Variants in SYNGR1 observed in about 807,000 individuals in gnomAD.
The protein encoded by SYNGR1 is synaptogyrin 1, also known as synaptogyrin-1.
A neutral mutation model predicts 26.1 loss-of-function variants in SYNGR1; 14 were observed. The ratio of observed to expected loss-of-function variants is 0.54; its 90% CI spans 0.35 to 0.84. The LOEUF (loss-of-function observed/expected upper bound fraction) is 0.84, where lower values mean the gene tolerates loss of function less well. Among genes scored for constraint, SYNGR1 ranks in the 40% least tolerant of loss-of-function variants. The pLI is 0.01. For missense variants in SYNGR1, 319 were observed against 332.9 expected (o/e 0.96, Z 0.33); for synonymous variants, 141 against 150.1 (o/e 0.94, Z 0.44).
rs138811897 is a variant in SYNGR1 at position 39,366,378 on chromosome 22, G to T, written c.100-7938G>T. 3.1e-3 allele frequency among the ~76,000 whole-genome samples: 473 copies of T among 151,962 alleles called. 6 individuals are homozygous for T. Among genetic ancestry groups the T allele is most frequent in the African/African-American group, 0.011 (455 of 41,480 alleles). On this transcript the variant is annotated intron_variant, in intron 1 of 3. Transcript: ENST00000328933. ...AAATATATTCAGGCCGGGCATAGTG[G>T]CTCACGCTTGTAATCCCAGCACTTT... is the stretch of plus-strand genomic sequence containing the variant.
chr22:39,350,399 C>T lies in SYNGR1; in HGVS notation c.99+290C>T, dbSNP rs1157511734. Among the ~76,000 whole-genome samples, 2 of 152,206 alleles carry T rather than the reference C, an allele frequency of 1.3e-5. No individual in the cohort carries two copies. The highest frequency in any genetic ancestry group is 6.5e-5 in the Admixed American group (1 of 15,290). ...CCCCTTCCCGCCCCGATTGCTGTGACCTCCAGGCCGCGGCTATGCCGCGAA... is the reference window on the plus strand; with the variant it reads ...CCCCTTCCCGCCCCGATTGCTGTGATCTCCAGGCCGCGGCTATGCCGCGAA... On this transcript the variant is annotated intron_variant, in intron 1 of 3. Transcript: ENST00000328933. This position sits in a 1 kb window ranked among gnomAD's most constrained non-coding sequence, Gnocchi z 4.3.
Position 39,378,704 on chromosome 22 carries a change from C to T in SYNGR1, c.483+2507C>T, listed in dbSNP as rs946467292. On this transcript the variant is annotated intron_variant, in intron 3 of 3. Transcript: ENST00000328933. ...GTGCAGATGCAGACTGCCTGCTGCA[C>T]GCTGGAGATGCTGCAGAGAGAGCAC... Among the ~76,000 whole-genome samples the T allele has an allele frequency of 7.9e-5, 12 of 152,230 alleles. 1 individual carries two copies. Among genetic ancestry groups the T allele is most frequent in the Admixed American group, 3.9e-4 (6 of 15,290 alleles).
At chr22:39,377,220 C>T (rs1925323184) in intron 3 of SYNGR1, 1 of 1,435,404 alleles carries the variant, frequency 7.0e-7, no homozygotes. Flanking sequence ...TTTGAGGGCC[C>T]CTGGATATCC....
chr22:39,368,892 A>G (rs1924893218), intron 1 of SYNGR1, among the ~76,000 whole-genome samples: 1 of 152,196 alleles, frequency 6.6e-6, no homozygotes, highest in Non-Finnish European at 1.5e-5. Flanking sequence ...GAGAGAGGAA[A>G]TGAACGTTAT....
At chr22:39,353,284 C>T (rs531716279) in intron 1 of SYNGR1, among the ~76,000 whole-genome samples, 1 of 152,332 alleles carries the variant, frequency 6.6e-6, no homozygotes, top group Admixed American at 6.5e-5. Flanking sequence ...CCCTGGAACC[C>T]AAGCCCTCTG....
In SYNGR1 at chr22:39,385,172, C is replaced by G. The variant is rs1000381981; in HGVS notation, c.*3258C>G. The G allele has an allele frequency of 7.6e-6, 3 of 395,760 alleles. No individual in the cohort carries two copies. The highest frequency in any genetic ancestry group is 8.8e-5 in the Admixed American group (2 of 22,616). 24.5% of individuals were successfully genotyped at this position (395,760 alleles called of 1,614,324 possible). ...TCTAAGGAGCACGAAAGGGGGAATG[C>G]CCCTCCCAGGAGTTTATGGGAGAAG... On this transcript the variant is annotated 3_prime_UTR_variant, in exon 4 of 4. Transcript: ENST00000328933.
At chr22:39,365,071 T>G (rs1411062281) in intron 1 of SYNGR1, among the ~76,000 whole-genome samples, 1 of 152,196 alleles carries the variant, frequency 6.6e-6, no homozygotes, top group Non-Finnish European at 1.5e-5. Context: ...GGGTCCTCCC[T>G]TGGCCATCAC....
At chr22:39,364,457 C>T (rs1414566849) in intron 1 of SYNGR1, among the ~76,000 whole-genome samples, 1 of 152,166 alleles carries the variant, frequency 6.6e-6, no homozygotes, top group Non-Finnish European at 1.5e-5. Flanking sequence ...CTTCCATTGG[C>T]ACCAGCTCCT....
chr22:39,352,899 T>C (rs1283923149), intron 1 of SYNGR1, among the ~76,000 whole-genome samples: 1 of 152,174 alleles, frequency 6.6e-6, no homozygotes, highest in Non-Finnish European at 1.5e-5. Context: ...TCTTGCTCTG[T>C]TGCCCAGGCT....
intron 1 of SYNGR1, among the ~76,000 whole-genome samples, chr22:39,372,289 A>G (rs1925061846): frequency 6.6e-6 from 1 of 150,966 alleles, no homozygotes; most frequent in Non-Finnish European, 1.5e-5. Flanking sequence ...GTGCCACCAC[A>G]CCCAGCTAAT....
intron 1 of SYNGR1, among the ~76,000 whole-genome samples, chr22:39,366,783 T>G (rs1176437545): frequency 6.6e-6 from 1 of 152,146 alleles, no homozygotes; most frequent in African/African-American, 2.4e-5. Context: ...CACCACAGTC[T>G]TTTCTCTCCA....
At chr22:39,378,944 C>G (rs1925406005) in intron 3 of SYNGR1, among the ~76,000 whole-genome samples, 1 of 152,350 alleles carries the variant, frequency 6.6e-6, no homozygotes, top group South Asian at 2.1e-4. Flanking sequence ...CCAGAGGCAT[C>G]TCCCTAGAAG....
chr22:39,364,159 A>G (rs756779291), intron 1 of SYNGR1: 28 of 1,611,814 alleles, frequency 1.7e-5, no homozygotes, highest in East Asian at 2.2e-5. Flanking sequence ...ACTGCGGGAC[A>G]CGGCTCAGGA....
At chr22:39,373,552 G>C (rs576920920) in intron 1 of SYNGR1, among the ~76,000 whole-genome samples, 1 of 152,004 alleles carries the variant, frequency 6.6e-6, no homozygotes, top group South Asian at 2.1e-4. Context: ...GCATGATCAC[G>C]GTTCACTACA....
chr22:39,362,258 C>A (rs1384891170), intron 1 of SYNGR1, among the ~76,000 whole-genome samples: 1 of 152,190 alleles, frequency 6.6e-6, no homozygotes, highest in Admixed American at 6.5e-5. Context: ...CACCCAGGCC[C>A]AGCCTCAGCA....
At chr22:39,369,472 C>G (rs971414019) in intron 1 of SYNGR1, among the ~76,000 whole-genome samples, 1 of 152,176 alleles carries the variant, frequency 6.6e-6, no homozygotes, top group Non-Finnish European at 1.5e-5. Flanking sequence ...AAGCTACCCT[C>G]CCGGCCTTCC....
chr22:39,368,912 A>G (rs559996785), intron 1 of SYNGR1, among the ~76,000 whole-genome samples: 4 of 152,256 alleles, frequency 2.6e-5, no homozygotes, highest in East Asian at 3.9e-4. Context: ...TGCAGCCCCT[A>G]TGGGGCTTCC....
At chr22:39,369,697 G>A (rs1924930135) in intron 1 of SYNGR1, among the ~76,000 whole-genome samples, 1 of 152,178 alleles carries the variant, frequency 6.6e-6, no homozygotes, top group South Asian at 2.1e-4. Context: ...TGCCAATTGG[G>A]AACACTACAA....
chr22:39,369,525 A>G (rs539805521), intron 1 of SYNGR1, among the ~76,000 whole-genome samples: 17 of 152,198 alleles, frequency 1.1e-4, no homozygotes, highest in Non-Finnish European at 2.2e-4. Flanking sequence ...CTCTGGGAGT[A>G]AATTCCATCC....
Sources: allele counts gnomAD v4.1 joint callset (sites outside exome capture counted in the v4.1 genomes callset), GRCh38; gene constraint gnomAD v4.1.1; non-coding constraint Gnocchi (gnomAD v3.1); transcripts MANE v1.5; gene names NCBI Gene and HGNC (gene_info 2026-07-23, HGNC 2026-07-21).